The following SCN9A variants were observed in gnomAD, a reference collection of about 807,000 sequenced individuals.
The protein encoded by SCN9A is sodium voltage-gated channel alpha subunit 9.
A neutral mutation model predicts 187.0 loss-of-function variants in SCN9A; 131 were observed. That is an observed-to-expected ratio of 0.70 (90% CI 0.61 to 0.81). The LOEUF is 0.81. Ranked by LOEUF, SCN9A falls within the 30% of genes least tolerant of loss-of-function variation. SCN9A has a pLI of 0.00. For missense variants in SCN9A, 2,252 were observed against 2,396.6 expected (o/e 0.94, Z 1.26); for synonymous variants, 809 against 808.6 (o/e 1.00, Z -0.01).
chr2:166,261,647 AAGTCTCTGTTGCATGCAGTTAAACAG>A (rs1696513031), intron 17 of SCN9A, among the ~76,000 whole-genome samples: 1 of 151,968 alleles, frequency 6.6e-6, no homozygotes, highest in South Asian at 2.1e-4. Flanking sequence ...CAATGTAGTT[AAGTCTCTGTTGCATGCAGTTAAACAG>A]AGTCCTGACT....
intron 17 of SCN9A, among the ~76,000 whole-genome samples, chr2:166,259,979 AC>A (rs2106439463): frequency 6.6e-6 from 1 of 152,000 alleles, no homozygotes; most frequent in African/African-American, 2.4e-5. Flanking sequence ...TGCCAATTTT[AC>A]GAAACAGCAT....
chr2:166,240,762 A>G (rs1489894567), intron 19 of SCN9A, among the ~76,000 whole-genome samples: 1 of 152,188 alleles, frequency 6.6e-6, no homozygotes, highest in Admixed American at 6.5e-5. Flanking sequence ...TGTGCCAAGA[A>G]TGCCAGGCTC....
intron 1 of SCN9A, among the ~76,000 whole-genome samples, chr2:166,359,286 T>C (rs1700223264): frequency 6.6e-6 from 1 of 152,172 alleles, no homozygotes; most frequent in African/African-American, 2.4e-5. Context: ...GCAATGTCTT[T>C]ATAAATTAAA....
At chr2:166,234,414 G>A (rs543690574) in intron 20 of SCN9A, among the ~76,000 whole-genome samples, 6 of 152,118 alleles carry the variant, frequency 3.9e-5, no homozygotes, top group African/African-American at 9.7e-5. Context: ...TCAATTTTTC[G>A]AGGGAAGAAT....
intron 1 of SCN9A, among the ~76,000 whole-genome samples, chr2:166,328,757 C>A (rs1165454591): frequency 6.6e-6 from 1 of 151,978 alleles, no homozygotes; most frequent in East Asian, 1.9e-4. Flanking sequence ...CTACACAAAG[C>A]AATAAGGTTT....
At chr2:166,279,419 C>T (rs1697378728) in intron 14 of SCN9A, among the ~76,000 whole-genome samples, 1 of 152,142 alleles carries the variant, frequency 6.6e-6, no homozygotes, top group Admixed American at 6.6e-5. Context: ...CTGAGATTCT[C>T]TGGCCCTAAA....
At chr2:166,233,961 G>T (rs1198769038) in intron 20 of SCN9A, among the ~76,000 whole-genome samples, 2 of 152,082 alleles carry the variant, frequency 1.3e-5, no homozygotes, top group Non-Finnish European at 1.5e-5. Context: ...CAACAAGATT[G>T]CTTCTGCCCT....
intron 17 of SCN9A, among the ~76,000 whole-genome samples, chr2:166,257,585 T>C (rs554494252): frequency 1.9e-3 from 290 of 151,768 alleles, no homozygotes; most frequent in African/African-American, 6.7e-3. Context: ...AAGTCATTCT[T>C]AACTGAATAT....
In SCN9A at chr2:166,277,304, T is replaced by C. The variant is rs531431689; in HGVS notation, c.2553A>G (p.Thr851=). 1 of 1,611,208 alleles carries C rather than the reference T, an allele frequency of 6.2e-7. No homozygotes were observed. Among genetic ancestry groups the C allele is most frequent in the South Asian group, 1.1e-5 (1 of 91,034 alleles). Residue 851 remains threonine, a synonymous_variant, in exon 16 of 27, where the codon ACA becomes ACG. Transcript: ENST00000642356. The part of the protein sequence containing the change: ...RVFKLAKSWP[T]LNMLIKIIGN... ...CAATGATCTTAATCAGCATGTTCAA[T>C]GTTGGCCAGGATTTTGCCAACTTGA...
At chr2:166,288,165 AC>A (rs1670677911) in intron 10 of SCN9A, among the ~76,000 whole-genome samples, 3 of 118,774 alleles carry the variant, frequency 2.5e-5, no homozygotes, top group Non-Finnish European at 5.2e-5. Context: ...ATAGACATAC[AC>A]ACACACACAC....
chr2:166,293,619 A>G (rs1559019939), intron 8 of SCN9A, among the ~76,000 whole-genome samples: 1 of 152,222 alleles, frequency 6.6e-6, no homozygotes, highest in African/African-American at 2.4e-5. Context: ...AGTTTAAATA[A>G]GATAATGTGT....
rs780673293 is a variant in SCN9A at position 166,277,336 on chromosome 2, G to A, written c.2521C>T (p.Arg841Ter). ...CAGGATTTTGCCAACTTGAAGACTC[G>A]GAGCTAAAAGCAAATATAAAGTTTA... ...LSVLRSFRLL[R>*]VFKLAKSWPT... Residue 841 changes from arginine to a stop codon, truncating the protein, a stop_gained, in exon 16 of 27, where the codon CGA becomes TGA. Transcript: ENST00000642356. LOFTEE classifies it high-confidence loss of function. 18 of 1,590,856 alleles carry A rather than the reference G, an allele frequency of 1.1e-5. No homozygotes were observed. Among genetic ancestry groups the A allele is most frequent in the East Asian group, 4.5e-5 (2 of 44,626 alleles).
intron 17 of SCN9A, among the ~76,000 whole-genome samples, chr2:166,252,686 T>C (rs532881276): frequency 1.3e-5 from 2 of 152,018 alleles, no homozygotes; most frequent in Admixed American, 1.3e-4. Flanking sequence ...AATGAATTCA[T>C]TGTCATTATG....
rs906660559 is a variant in SCN9A, at chr2:166,210,325, G to C, written c.4399-5861C>G. ...CTGTTGTGGGGTGGGGGGAGGAGGG[G>C]GATATACCTAACATTAGGAGATATA... On this transcript the variant is annotated intron_variant, in intron 24 of 26. Transcript: ENST00000642356. 1.3e-5 allele frequency among the ~76,000 whole-genome samples: 2 copies of C among 151,634 alleles called. 1 individual carries two copies. The highest frequency in any genetic ancestry group is 4.2e-4 in the South Asian group (2 of 4,794).
At chr2:166,204,533 C>A (rs953148127) in intron 24 of SCN9A, 69 bp from the exon 25 acceptor site, 1 of 921,972 alleles carries the variant, frequency 1.1e-6, no homozygotes, top group Non-Finnish European at 1.6e-6. Flanking sequence ...CTATAGATTA[C>A]TAAAATAGGT....
chr2:166,228,246 ACT>A (rs1694924755), intron 22 of SCN9A, among the ~76,000 whole-genome samples: 2 of 112,670 alleles, frequency 1.8e-5, no homozygotes, highest in Non-Finnish European at 3.5e-5. Context: ...AAAGACCAAC[ACT>A]TTTTTTTTTT....
At chr2:166,203,297 A>T (rs1693632633) in intron 26 of SCN9A, among the ~76,000 whole-genome samples, 1 of 151,896 alleles carries the variant, frequency 6.6e-6, no homozygotes, top group Non-Finnish European at 1.5e-5. Flanking sequence ...AAAAAGAAAT[A>T]CAATCCTAAA....
In SCN9A at chr2:166,265,033, CA is replaced by C. The variant is rs375116174; in HGVS notation, c.3351+7365del. On this transcript the variant is annotated intron_variant, in intron 17 of 26. Transcript: ENST00000642356. ...TATCAAATAGGGTAACTAGCAGATC[CA>C]TAGCTTTGAACATTTACCATTTCTT... 1.2e-4 allele frequency among the ~76,000 whole-genome samples: 19 copies of C among 152,030 alleles called. No individual in the cohort carries two copies. In the South Asian group the frequency reaches 3.9e-3, roughly 32 times the overall value.
intron 17 of SCN9A, among the ~76,000 whole-genome samples, chr2:166,256,539 A>G (rs529959553): frequency 2.2e-4 from 33 of 151,680 alleles, no homozygotes; most frequent in African/African-American, 7.5e-4. Flanking sequence ...TTTAGCAGAA[A>G]ATTGTCAGTT....
Sources: allele counts gnomAD v4.1 joint callset (sites outside exome capture counted in the v4.1 genomes callset), GRCh38; gene constraint gnomAD v4.1.1; transcripts MANE v1.5; gene names NCBI Gene and HGNC (gene_info 2026-07-23, HGNC 2026-07-21).